Variants in STPG2 observed in about 807,000 individuals in gnomAD.
STPG2 encodes sperm-tail PG-rich repeat-containing protein 2.
STPG2 carries 56 observed loss-of-function variants against 54.2 expected under a neutral mutation model. The observed-to-expected ratio is 1.03, with a 90% confidence interval of 0.83 to 1.29. STPG2 has a LOEUF of 1.29. Ranked by LOEUF, STPG2 falls within the 50% of genes most tolerant of loss-of-function variation. The pLI is 0.00. For missense variants in STPG2, 596 were observed against 544.9 expected, an observed-to-expected ratio of 1.09 and a Z score of -0.93; for synonymous variants, 200 against 181.8, an observed-to-expected ratio of 1.10 and a Z score of -0.81.
intron 8 of STPG2, among the ~76,000 whole-genome samples, chr4:97,891,518 G>T (rs1730769986): frequency 1.3e-5 from 2 of 151,938 alleles, no homozygotes; most frequent in South Asian, 4.1e-4. Flanking sequence ...TAAATAGCAA[G>T]AACAATTGAT....
At chr4:97,671,382 T>A (rs1183450928) in intron 10 of STPG2, among the ~76,000 whole-genome samples, 1 of 152,238 alleles carries the variant, frequency 6.6e-6, no homozygotes, top group East Asian at 1.9e-4. Flanking sequence ...AACTTACATA[T>A]GTAGGCCTCG....
intron 8 of STPG2, among the ~76,000 whole-genome samples, chr4:97,856,833 T>C (rs1462137296): frequency 2.0e-5 from 3 of 152,120 alleles, no homozygotes; most frequent in Non-Finnish European, 4.4e-5. Flanking sequence ...AGTATGTTAT[T>C]TCAATACCTA....
intron 9 of STPG2, among the ~76,000 whole-genome samples, chr4:97,806,923 T>C (rs976547719): frequency 3.9e-5 from 6 of 152,152 alleles, no homozygotes; most frequent in East Asian, 1.9e-4. Context: ...TACTGACTTC[T>C]TTCTCCTTTT....
intron 10 of STPG2, among the ~76,000 whole-genome samples, chr4:97,698,206 G>A (rs995833647): frequency 4.6e-5 from 7 of 152,000 alleles, no homozygotes; most frequent in African/African-American, 1.7e-4. Flanking sequence ...ATTCCTGAAG[G>A]GTCTGGGCCA....
intron 8 of STPG2, among the ~76,000 whole-genome samples, chr4:97,900,977 T>G (rs563803587): frequency 6.6e-6 from 1 of 152,018 alleles, no homozygotes; most frequent in Admixed American, 6.6e-5. Flanking sequence ...ACTTTCTTAT[T>G]TTGTTTTGAT....
intron 10 of STPG2, among the ~76,000 whole-genome samples, chr4:97,663,114 A>T (rs1722422942): frequency 6.6e-6 from 1 of 151,902 alleles, no homozygotes; most frequent in Non-Finnish European, 1.5e-5. Context: ...AATCATACCA[A>T]ATGGGATCAT....
chr4:98,001,696 C>A (rs1178973446), intron 5 of STPG2, among the ~76,000 whole-genome samples: 1 of 152,056 alleles, frequency 6.6e-6, no homozygotes, highest in African/African-American at 2.4e-5. Flanking sequence ...TGGAAAACGG[C>A]GTACAGGAAA....
At chr4:97,446,445 C>A (rs1018788954) in intron 4 of STPG2, among the ~76,000 whole-genome samples, 3 of 152,122 alleles carry the variant, frequency 2.0e-5, no homozygotes, top group African/African-American at 7.2e-5. Flanking sequence ...TTCTGACCAA[C>A]AGATTGTGTA....
At chr4:98,022,906 G>C (rs1380012811) in intron 5 of STPG2, among the ~76,000 whole-genome samples, 1 of 152,110 alleles carries the variant, frequency 6.6e-6, no homozygotes, top group Non-Finnish European at 1.5e-5. Flanking sequence ...GGGTATTCTA[G>C]TTATACATTC....
chr4:97,670,574 G>C (rs536549226), intron 10 of STPG2, among the ~76,000 whole-genome samples: 44 of 152,248 alleles, frequency 2.9e-4, no homozygotes, highest in African/African-American at 1.0e-3. Context: ...TTCTTTTGCA[G>C]CAGATTGAGA....
chr4:98,051,155 A>T (rs1737308993), intron 5 of STPG2, among the ~76,000 whole-genome samples: 1 of 152,144 alleles, frequency 6.6e-6, no homozygotes, highest in Non-Finnish European at 1.5e-5. Context: ...CACCTTAGGT[A>T]GCTAGCTAGA....
intron 10 of STPG2, among the ~76,000 whole-genome samples, chr4:97,562,157 G>A (rs1242456179): frequency 3.9e-5 from 6 of 152,078 alleles, no homozygotes; most frequent in South Asian, 4.2e-4. Flanking sequence ...GGTCCTTCAC[G>A]TCCCTCGTAA....
intron 5 of STPG2, among the ~76,000 whole-genome samples, chr4:98,067,367 T>C (rs1175015344): frequency 6.6e-6 from 1 of 152,188 alleles, no homozygotes; most frequent in Non-Finnish European, 1.5e-5. Context: ...AGTTCCTATA[T>C]ATTCAATTTT....
chr4:97,767,286 A>T (rs759718631), intron 9 of STPG2, among the ~76,000 whole-genome samples: 69 of 152,226 alleles, frequency 4.5e-4, no homozygotes, highest in Non-Finnish European at 8.1e-4. Context: ...ATTTATAACA[A>T]CCCCATGAAG....
intron 5 of STPG2, among the ~76,000 whole-genome samples, chr4:98,104,765 G>T (rs1348425164): frequency 1.3e-5 from 2 of 152,148 alleles, no homozygotes; most frequent in Non-Finnish European, 2.9e-5. Context: ...GTAATTAGAG[G>T]TAAATTACCC....
chr4:97,750,127 C>A (rs772154209), intron 9 of STPG2, among the ~76,000 whole-genome samples: 10 of 151,962 alleles, frequency 6.6e-5, no homozygotes, highest in South Asian at 4.1e-4. Context: ...AAATAGAATG[C>A]TTTCTTGCAG....
intron 4 of STPG2, chr4:97,490,011 T>A (rs1578339181): frequency 1.3e-5 from 2 of 151,512 alleles, no homozygotes; most frequent in South Asian, 4.1e-4. Context: ...CAAGACCTCA[T>A]AACAACACCA....
intron 8 of STPG2, among the ~76,000 whole-genome samples, chr4:97,919,296 A>T (rs1732006770): frequency 6.6e-6 from 1 of 151,696 alleles, no homozygotes. Flanking sequence ...GAAACTAGAA[A>T]AAAAACAAAT....
At chr4:97,625,017 C>T (rs1390569615) in intron 10 of STPG2, among the ~76,000 whole-genome samples, 1 of 152,006 alleles carries the variant, frequency 6.6e-6, no homozygotes, top group African/African-American at 2.4e-5. Context: ...ATGTAGGTGG[C>T]CATATGGAAA....
Sources: allele counts gnomAD v4.1 joint callset (sites outside exome capture counted in the v4.1 genomes callset), GRCh38; gene constraint gnomAD v4.1.1; transcripts MANE v1.5; gene names NCBI Gene and HGNC (gene_info 2026-07-23, HGNC 2026-07-21).